Variants in RABIF observed in about 807,000 individuals in gnomAD.
RABIF encodes guanine nucleotide exchange factor MSS4.
Under a neutral mutation model 12.3 loss-of-function variants are expected in RABIF, and 13 were observed. That is an observed-to-expected ratio of 1.06 (90% confidence interval 0.69 to 1.68). The LOEUF (loss-of-function observed/expected upper bound fraction) is 1.68. Among genes scored for constraint, RABIF ranks in the 40% most tolerant of loss-of-function variants. The pLI is 0.00. For missense variants in RABIF, 153 were observed against 158.0 expected (o/e 0.97, Z 0.17); for synonymous variants, 70 against 63.3 (o/e 1.11, Z -0.50).
At chr1:202,886,806 A>G (rs1045997809) in intron 1 of RABIF, among the ~76,000 whole-genome samples, 1 of 150,214 alleles carries the variant, frequency 6.7e-6, no homozygotes, top group Non-Finnish European at 1.5e-5. Flanking sequence ...GCAGTGGTGC[A>G]ATCTTGAACT....
Position 202,888,897 on chromosome 1 carries a change from C to T in RABIF, c.126+76G>A, listed in dbSNP as rs1345648025. ...GCGCGGTTGCCGGAAATTGAAGAGCCGGGGTTCAGATTCTGACTGCGGCGG... is the reference window on the plus strand; with the variant it reads ...GCGCGGTTGCCGGAAATTGAAGAGCTGGGGTTCAGATTCTGACTGCGGCGG... On this transcript the variant is annotated intron_variant, in intron 1 of 1. Transcript: ENST00000367262. The T allele has an allele frequency of 2.4e-5, 34 of 1,434,160 alleles. 1 individual carries two copies. The Middle Eastern group carries it at 6.0e-4, about 25-fold the overall frequency. 88.8% of individuals were successfully genotyped at this position (1,434,160 alleles called of 1,614,324 possible).
intron 1 of RABIF, among the ~76,000 whole-genome samples, chr1:202,881,462 C>T (rs1173382175): frequency 2.0e-5 from 3 of 152,000 alleles, no homozygotes; most frequent in African/African-American, 4.8e-5. Flanking sequence ...AGTGCAGTGG[C>T]GCGATCTCAG....
intron 1 of RABIF, among the ~76,000 whole-genome samples, chr1:202,885,227 C>T (rs186564370): frequency 2.1e-4 from 32 of 152,246 alleles, no homozygotes; most frequent in African/African-American, 7.5e-4. Context: ...GCTACATGTC[C>T]TCTGGAGGTC....
chr1:202,885,607 G>T (rs931970010), intron 1 of RABIF, among the ~76,000 whole-genome samples: 5 of 152,254 alleles, frequency 3.3e-5, no homozygotes, highest in African/African-American at 1.2e-4. Context: ...CAAAGCTTTA[G>T]TTAAGGAGCT....
Position 202,886,362 on chromosome 1 carries a change from A to C in RABIF, c.126+2611T>G, listed in dbSNP as rs540945398. ...GGGAGGGGAAGGCAGGGCAGGGCAG[A>C]AGGTAGGTCCTGCCGGGCGGAGCGG... On this transcript the variant is annotated intron_variant, in intron 1 of 1. Transcript: ENST00000367262. Among the ~76,000 whole-genome samples the C allele has an allele frequency of 3.7e-4, 56 of 150,876 alleles. 1 individual carries two copies. The East Asian group carries it at 9.1e-3, about 25-fold the overall frequency.
Position 202,879,753 on chromosome 1 carries a change from G to A in RABIF, c.*1225C>T, listed in dbSNP as rs1250870575. On this transcript the variant is annotated 3_prime_UTR_variant, in exon 2 of 2. Transcript: ENST00000367262. ...GAAAACAATGGAAGGGACTTCAGAT[G>A]GTAAGGTTTCTGTTTAGTACTTATT... 1 of 152,154 alleles carries A rather than the reference G, an allele frequency of 6.6e-6. No individual in the cohort carries two copies. 9.4% of individuals were successfully genotyped at this position (152,154 alleles called of 1,614,324 possible).
chr1:202,888,832 C>CTGAGGCCCGAGGGGCGGGGCT (rs1553234267), intron 1 of RABIF, 141 bp downstream of exon 1: 1 of 1,204,844 alleles, frequency 8.3e-7, no homozygotes, highest in Non-Finnish European at 1.1e-6. Flanking sequence ...CCTCGCCGAG[C>CTGAGGCCCGAGGGGCGGGGCT]TGAGGCCCGA....
intron 1 of RABIF, among the ~76,000 whole-genome samples, chr1:202,885,809 A>G (rs72752771): frequency 0.18 from 27,324 of 152,200 alleles, 3,136 homozygotes; most frequent in East Asian, 0.43. Context: ...AAAAGAAAGG[A>G]GAAAACAATT....
At chr1:202,881,342 C>T in intron 1 of RABIF, 119 bp from the exon 2 acceptor site, 1 of 1,390,412 alleles carries the variant, frequency 7.2e-7, no homozygotes, top group Non-Finnish European at 9.5e-7. Context: ...AAGAGAAGCC[C>T]TCTCATTAAG....
At chr1:202,881,451 G>A (rs1027035912) in intron 1 of RABIF, among the ~76,000 whole-genome samples, 6 of 152,030 alleles carry the variant, frequency 3.9e-5, no homozygotes, top group African/African-American at 1.4e-4. Flanking sequence ...GCCTAGGCTG[G>A]AGTGCAGTGG....
chr1:202,881,237 G>C lies in RABIF; in HGVS notation c.127-14C>G, dbSNP rs1313883762. On this transcript the variant is annotated splice_polypyrimidine_tract_variant and intron_variant, in intron 1 of 1. Transcript: ENST00000367262. ...GGGAAGGAAAAGCTGCAGTGGGAAA[G>C]AACATAAAGAACGCAGAAGTTGAAC... 2 of 1,604,768 alleles carry C rather than the reference G, an allele frequency of 1.2e-6. No homozygotes were observed. Among genetic ancestry groups the C allele is most frequent in the East Asian group, 4.5e-5 (2 of 44,742 alleles).
chr1:202,881,249 C>G, intron 1 of RABIF, 26 bp from the exon 2 acceptor site: 1 of 1,598,394 alleles, frequency 6.3e-7, no homozygotes, highest in Non-Finnish European at 8.5e-7. Context: ...ACATAAAGAA[C>G]GCAGAAGTTG....
chr1:202,881,686 C>T (rs1006610898), intron 1 of RABIF, among the ~76,000 whole-genome samples: 2 of 152,182 alleles, frequency 1.3e-5, no homozygotes, highest in Non-Finnish European at 2.9e-5. Context: ...GGATTATAGG[C>T]GTGAGCCTGA....
chr1:202,882,870 T>C (rs147940233), intron 1 of RABIF, among the ~76,000 whole-genome samples: 142 of 152,270 alleles, frequency 9.3e-4, no homozygotes, highest in African/African-American at 3.1e-3. Context: ...AGAATGAACA[T>C]AGAATATCTG....
Position 202,880,827 on chromosome 1 carries a change from AC to A in RABIF, c.*150del. 6.9e-7 allele frequency: 1 copy of A among 1,458,318 alleles called. No individual in the cohort carries two copies. Among genetic ancestry groups the A allele is most frequent in the East Asian group, 2.4e-5 (1 of 42,432 alleles). The allele number at this position is 1,458,318 out of a possible 1,614,324, so 90.3% of individuals were successfully genotyped here. ...CTTGAGGCTTTAGGAAGCAGGATTA[AC>A]CCTCTGCATGTTCAAATGGACATGC... On this transcript the variant is annotated 3_prime_UTR_variant, in exon 2 of 2. Coordinates refer to ENST00000367262, the MANE Select transcript of RABIF (RefSeq NM_002871.5).
At chr1:202,883,024 T>C (rs141223703) in intron 1 of RABIF, among the ~76,000 whole-genome samples, 15 of 152,316 alleles carry the variant, frequency 9.8e-5, no homozygotes, top group African/African-American at 3.6e-4. Context: ...GGAGAAGGCC[T>C]CTGGCACGCA....
Position 202,878,348 on chromosome 1 carries a change from G to A in RABIF, c.*2630C>T, listed in dbSNP as rs891265911. ...GTTTGGCAAATGCTCCCAGGAGAAC[G>A]GTGGCCCTCACACCAAGCCCACCTC... On this transcript the variant is annotated 3_prime_UTR_variant, in exon 2 of 2. Coordinates refer to ENST00000367262, the MANE Select transcript of RABIF (RefSeq NM_002871.5). Among the ~76,000 whole-genome samples the A allele has an allele frequency of 1.4e-4, 21 of 152,156 alleles. No individual in the cohort carries two copies. Among genetic ancestry groups the A allele is most frequent in the Non-Finnish European group, 2.8e-4 (19 of 68,016 alleles).
At chr1:202,888,850 G>A in intron 1 of RABIF, 123 bp downstream of exon 1, 1 of 1,344,202 alleles carries the variant, frequency 7.4e-7, no homozygotes, top group Non-Finnish European at 9.8e-7. Context: ...CGAGGGGCGG[G>A]GCTTAAGGCC....
In RABIF at chr1:202,889,099, C is replaced by T. The variant is rs1338531716; in HGVS notation, c.-1G>A. The stretch of plus-strand genomic sequence containing the variant: ...CGCTCGGCTGCTCCGCTGGTTCCAT[C>T]GCCGCTGCCGCCACAGGCTCCTCAG... On this transcript the variant is annotated 5_prime_UTR_variant, in exon 1 of 2. Transcript: ENST00000367262. 1.9e-6 allele frequency: 3 copies of T among 1,600,188 alleles called. No homozygotes were observed. Among genetic ancestry groups the T allele is most frequent in the Admixed American group, 1.7e-5 (1 of 58,564 alleles).
Sources: allele counts gnomAD v4.1 joint callset (sites outside exome capture counted in the v4.1 genomes callset), GRCh38; gene constraint gnomAD v4.1.1; transcripts MANE v1.5; gene names NCBI Gene and HGNC (gene_info 2026-07-23, HGNC 2026-07-21).